The following DDX1 variants were observed in gnomAD, a reference collection of about 807,000 sequenced individuals.
The protein encoded by DDX1 is DEAD-box helicase 1, also known as ATP-dependent RNA helicase DDX1.
In DDX1, 28 loss-of-function variants were observed where a neutral mutation model predicts 108.7. That is an observed-to-expected ratio of 0.26 (90% CI 0.19 to 0.35). The LOEUF is 0.35. Ranked by LOEUF, DDX1 falls within the 10% of genes least tolerant of loss-of-function variation. The pLI is 1.00. For synonymous variants in DDX1, 295 were observed against 288.9 expected, an observed-to-expected ratio of 1.02 and a Z score of -0.21; for missense variants, 710 against 884.5, an observed-to-expected ratio of 0.80 and a Z score of 2.50.
At chr2:15,595,250 A>C (rs932580042) in intron 2 of DDX1, 54 bp downstream of exon 2, 27 of 1,392,308 alleles carry the variant, frequency 1.9e-5, no homozygotes, top group Non-Finnish European at 2.4e-5. Context: ...TAATTTAAAC[A>C]GTTGTTAGTG....
In DDX1 at chr2:15,611,136, A is replaced by G. The variant is rs1217147157; in HGVS notation, c.957-2088A>G. ...ATCTGTTTAACAAAGCACATCTTGC[A>G]CCGCCCTTAATCCATTTAACCCTGA... is the stretch of plus-strand genomic sequence containing the variant. On this transcript the variant is annotated intron_variant, in intron 13 of 25. Transcript: ENST00000233084. 1.3e-4 allele frequency among the ~76,000 whole-genome samples: 19 copies of G among 149,196 alleles called. No individual in the cohort carries two copies. The South Asian group carries it at 3.1e-3, about 24-fold the overall frequency.
intron 4 of DDX1, 23 bp from the exon 5 acceptor site, chr2:15,597,352 G>A (rs769790875): frequency 6.2e-6 from 9 of 1,443,290 alleles, no homozygotes; most frequent in Non-Finnish European, 8.6e-6. Context: ...TACTAATATA[G>A]ATACCTTTTG....
Position 15,630,961 on chromosome 2 carries a change from C to CTT in DDX1, c.*56_*57insTT. The stretch of plus-strand genomic sequence containing the variant: ...AATGAAAGTCTGTAGTCTTAAAACT[C>CTT]TAAAACAGTTGTACTGCTTCCAAGC... On this transcript the variant is annotated 3_prime_UTR_variant, in exon 26 of 26. Transcript: ENST00000233084. 6.4e-7 allele frequency: 1 copy of CTT among 1,568,028 alleles called. No homozygotes were observed. The highest frequency in any genetic ancestry group is 8.8e-7 in the Non-Finnish European group (1 of 1,142,098).
intron 18 of DDX1, 56 bp from the exon 19 acceptor site, chr2:15,623,380 C>A: frequency 6.4e-7 from 1 of 1,566,784 alleles, no homozygotes; most frequent in Middle Eastern, 1.7e-4. Context: ...TATGTGTATT[C>A]ATGACAAGTT....
Position 15,595,016 on chromosome 2 carries a change from G to A in DDX1, c.17-129G>A, listed in dbSNP as rs560857983. 209 of 647,342 alleles carry A rather than the reference G, an allele frequency of 3.2e-4. 2 individuals carry two copies. Among genetic ancestry groups the A allele is most frequent in the South Asian group, 3.2e-3 (126 of 39,734 alleles). 40.1% of individuals were successfully genotyped at this position (647,342 alleles called of 1,614,324 possible). A position where few individuals can be genotyped will look rare whatever the true frequency, so the allele number is the denominator to read the frequency against. Reference sequence around the variant, plus strand: ...ACTTGTGCTCTTTCAACAGTGCCACGCTCAGTAGATTTGATGTAACTGAGC... The same window carrying A: ...ACTTGTGCTCTTTCAACAGTGCCACACTCAGTAGATTTGATGTAACTGAGC... On this transcript the variant is annotated intron_variant, in intron 1 of 25. Transcript: ENST00000233084.
chr2:15,628,423 C>G, intron 20 of DDX1, 22 bp from the exon 21 acceptor site: 13 of 1,580,442 alleles, frequency 8.2e-6, no homozygotes, highest in Non-Finnish European at 1.1e-5. Context: ...AAACTCCTTT[C>G]TCTCTTCACT....
At chr2:15,612,972 G>A (rs977088648) in intron 13 of DDX1, among the ~76,000 whole-genome samples, 2 of 151,748 alleles carry the variant, frequency 1.3e-5, no homozygotes, top group African/African-American at 4.8e-5. Flanking sequence ...GTCCAGCTTC[G>A]GCTCGGTATC....
intron 18 of DDX1, 42 bp from the exon 19 acceptor site, chr2:15,623,394 A>G (rs769695396): frequency 4.4e-6 from 7 of 1,603,342 alleles, no homozygotes; most frequent in Non-Finnish European, 2.6e-6. Flanking sequence ...ACAAGTTCAG[A>G]TTGAAATTCT....
In DDX1 at chr2:15,623,778, C is replaced by T. The variant is rs1666049204; in HGVS notation, c.1594+196C>T. ...CAAGAGAGAATTTTCCACGTAGGTA[C>T]ATTTTCATTACAGTAAACTTGAATC... On this transcript the variant is annotated intron_variant, in intron 19 of 25. Coordinates refer to ENST00000233084, the MANE Select transcript of DDX1 (RefSeq NM_004939.3). 2.0e-5 allele frequency among the ~76,000 whole-genome samples: 3 copies of T among 152,084 alleles called. No individual in the cohort carries two copies. The South Asian group carries it at 6.2e-4, about 31-fold the overall frequency.
At chr2:15,604,037 T>C (rs769320944) in intron 9 of DDX1, 147 bp downstream of exon 9, 5 of 592,094 alleles carry the variant, frequency 8.4e-6, no homozygotes, top group South Asian at 2.6e-5. Context: ...ATTTGGACTT[T>C]AGTGAAGAAA....
At chr2:15,608,674 T>TTG (rs1665708942) in intron 13 of DDX1, among the ~76,000 whole-genome samples, 1 of 146,842 alleles carries the variant, frequency 6.8e-6, no homozygotes, top group Non-Finnish European at 1.5e-5. Flanking sequence ...TTTTTTTTTT[T>TTG]TTTTTTTTTT....
intron 4 of DDX1, 122 bp from the exon 5 acceptor site, chr2:15,597,253 G>A (rs1665517461): frequency 1.5e-6 from 1 of 662,834 alleles, no homozygotes; most frequent in Non-Finnish European, 2.6e-6. Flanking sequence ...TGAAATTGTA[G>A]TAGCAATCTG....
intron 18 of DDX1, among the ~76,000 whole-genome samples, chr2:15,621,884 C>T (rs1244885494): frequency 6.6e-6 from 1 of 152,162 alleles, no homozygotes; most frequent in Non-Finnish European, 1.5e-5. Context: ...GAACTCCTGA[C>T]CTCAAATGAT....
chr2:15,596,033 C>T (rs188304080), intron 3 of DDX1, among the ~76,000 whole-genome samples: 8 of 152,204 alleles, frequency 5.3e-5, no homozygotes, highest in Admixed American at 5.2e-4. Flanking sequence ...TACAGGTACA[C>T]ACCACCACAT....
Position 15,599,479 on chromosome 2 carries a change from G to T in DDX1, c.260-190G>T, listed in dbSNP as rs73216665. Among the ~76,000 whole-genome samples the T allele has an allele frequency of 0.24, 35,491 of 149,538 alleles. 5,024 individuals are homozygous for T. The highest frequency in any genetic ancestry group is 0.41 in the African/African-American group (16,530 of 40,158). On this transcript the variant is annotated intron_variant, in intron 5 of 25. Coordinates refer to ENST00000233084, the MANE Select transcript of DDX1 (RefSeq NM_004939.3). Reference sequence around the variant, plus strand: ...ACGCCACCATGCCTGGCTAATTTTTGTATTTTTTTTTTTAGTAGAGATGAG... The same window carrying T: ...ACGCCACCATGCCTGGCTAATTTTTTTATTTTTTTTTTTAGTAGAGATGAG...
At chr2:15,605,519 G>T (rs1365132577) in intron 10 of DDX1, among the ~76,000 whole-genome samples, 4 of 152,066 alleles carry the variant, frequency 2.6e-5, no homozygotes, top group Non-Finnish European at 5.9e-5. Context: ...TGGAGCAAAG[G>T]GGTGAGGGTG....
At chr2:15,606,891 T>A (rs1204665287) in intron 12 of DDX1, among the ~76,000 whole-genome samples, 1 of 152,174 alleles carries the variant, frequency 6.6e-6, no homozygotes. Flanking sequence ...GGCGCCATCA[T>A]AGCTCACTGC....
chr2:15,602,438 A>G lies in DDX1; in HGVS notation c.308-110A>G, dbSNP rs544303539. On this transcript the variant is annotated intron_variant, in intron 6 of 25. Coordinates refer to ENST00000233084, the MANE Select transcript of DDX1 (RefSeq NM_004939.3). ...CTGGAACATTGCAACAAATGAAGGA[A>G]TTATCTTGTTAGTGAGACTGAATGA... 7 of 715,314 alleles carry G rather than the reference A, an allele frequency of 9.8e-6. No individual in the cohort carries two copies. In the African/African-American group the frequency reaches 1.2e-4, roughly 13 times the overall value. The allele number at this position is 715,314 out of a possible 1,614,324, so 44.3% of individuals were successfully genotyped here.
intron 13 of DDX1, among the ~76,000 whole-genome samples, chr2:15,611,234 A>G (rs892302439): frequency 1.3e-5 from 2 of 151,298 alleles, no homozygotes; most frequent in African/African-American, 4.9e-5. Context: ...CCCAAGGCAG[A>G]AGAATTTTTC....
Sources: gnomAD v4.1 joint callset for allele counts (sites outside exome capture counted in the v4.1 genomes callset) on GRCh38, gnomAD v4.1.1 for gene constraint, MANE v1.5 for transcripts, NCBI Gene and HGNC (gene_info 2026-07-23, HGNC 2026-07-21) for gene names.